ACOT13: variants seen among roughly 807,000 people sequenced by gnomAD.
ACOT13 encodes the protein acyl-CoA thioesterase 13, also known as acyl-coenzyme A thioesterase 13.
A neutral mutation model predicts 11.8 loss-of-function variants in ACOT13; 10 were observed. The observed-to-expected ratio is 0.85, with a 90% confidence interval of 0.53 to 1.44. The LOEUF (loss-of-function observed/expected upper bound fraction) is 1.44. Ranked by LOEUF, ACOT13 falls within the 40% of genes most tolerant of loss-of-function variation. ACOT13 has a pLI of 0.00. For missense variants in ACOT13, 172 were observed against 174.1 expected, an observed-to-expected ratio of 0.99 and a Z score of 0.07; for synonymous variants, 53 against 61.0, an observed-to-expected ratio of 0.87 and a Z score of 0.61.
chr6:24,670,770 T>C (rs186595071), intron 1 of ACOT13, among the ~76,000 whole-genome samples: 86 of 152,244 alleles, frequency 5.6e-4, no homozygotes, highest in Non-Finnish European at 1.1e-3. Context: ...GTTTCAAGGC[T>C]CTGAAAAACA....
At chr6:24,677,889 C>T (rs1220752158) in intron 1 of ACOT13, among the ~76,000 whole-genome samples, 1 of 152,170 alleles carries the variant, frequency 6.6e-6, no homozygotes, top group Non-Finnish European at 1.5e-5. Flanking sequence ...GCCCTTGTGC[C>T]TTTGGATAAT....
At chr6:24,690,637 G>A (rs915804359) in intron 1 of ACOT13, among the ~76,000 whole-genome samples, 3 of 152,216 alleles carry the variant, frequency 2.0e-5, no homozygotes, top group Admixed American at 6.5e-5. Context: ...AACAAAAAGA[G>A]TGTTACTTAA....
chr6:24,691,033 T>A (rs1332069654), intron 1 of ACOT13, among the ~76,000 whole-genome samples: 2 of 152,234 alleles, frequency 1.3e-5, no homozygotes, highest in Non-Finnish European at 2.9e-5. Flanking sequence ...CCCTCTATAC[T>A]TTTTCCTTGG....
chr6:24,667,271 G>C lies in ACOT13; in HGVS notation c.8G>C (p.Ser3Thr), dbSNP rs988375425. The C allele has an allele frequency of 6.2e-7, 1 of 1,614,146 alleles. No homozygotes were observed. The change falls in exon 1 of 3, where the codon AGC becomes ACC. Residue 3 changes from serine to threonine, a missense_variant. By Grantham distance (58) the Ser-to-Thr change is moderately conservative. Coordinates refer to ENST00000230048, the MANE Select transcript of ACOT13 (RefSeq NM_018473.4). Reference sequence around the variant, plus strand: ...GCTGGAAAACCGTCCACGATGACCAGCATGACTCAGTCTCTGCGGGAGGTG... The same window carrying C: ...GCTGGAAAACCGTCCACGATGACCACCATGACTCAGTCTCTGCGGGAGGTG... MT[S>T]MTQSLREVIK...
chr6:24,678,899 G>T (rs565500001), intron 1 of ACOT13, among the ~76,000 whole-genome samples: 131 of 152,284 alleles, frequency 8.6e-4, no homozygotes, highest in Admixed American at 3.6e-3. Context: ...GGCCTTCAAT[G>T]TTCAAGCATA....
chr6:24,679,433 G>A (rs1052857344), intron 1 of ACOT13, among the ~76,000 whole-genome samples: 17 of 152,176 alleles, frequency 1.1e-4, no homozygotes, highest in Admixed American at 1.0e-3. Flanking sequence ...TGACAGAGAG[G>A]TATGCTTCCT....
At chr6:24,667,399 C>T (rs879134527) in intron 1 of ACOT13, 55 bp downstream of exon 1, 26 of 1,522,704 alleles carry the variant, frequency 1.7e-5, no homozygotes, top group Non-Finnish European at 2.2e-5. Context: ...AAGAAAGCAC[C>T]GTGCTTGGTG....
chr6:24,677,189 T>C lies in ACOT13; in HGVS notation c.81+9845T>C, dbSNP rs1008453857. Among the ~76,000 whole-genome samples, 4 of 152,144 alleles carry C rather than the reference T, an allele frequency of 2.6e-5. No homozygotes were observed. The South Asian group carries it at 8.3e-4, about 32-fold the overall frequency. On this transcript the variant is annotated intron_variant, in intron 1 of 2. Transcript: ENST00000230048. The stretch of plus-strand genomic sequence containing the variant: ...CAAGGGAACCCCTAAAAGGTCCCCT[T>C]GAGCAGCATTAGGTTTGAGCAATCA...
rs114941759 is a variant in ACOT13, at chr6:24,691,252, G to C, written c.82-6631G>C. ...GTATTCATTCACTCAACAAATATTT[G>C]AGTGCCTACTATGTGCCTACACCCT... On this transcript the variant is annotated intron_variant, in intron 1 of 2. Transcript: ENST00000230048. Among the ~76,000 whole-genome samples, 449 of 152,226 alleles carry C rather than the reference G, an allele frequency of 2.9e-3. 2 individuals are homozygous for C. Among genetic ancestry groups the C allele is most frequent in the African/African-American group, 9.7e-3 (402 of 41,516 alleles).
intron 1 of ACOT13, among the ~76,000 whole-genome samples, chr6:24,696,937 G>A (rs967259228): frequency 1.3e-5 from 2 of 152,104 alleles, no homozygotes; most frequent in South Asian, 4.2e-4. Flanking sequence ...CACCACACCC[G>A]GCTAATTTTT....
intron 1 of ACOT13, among the ~76,000 whole-genome samples, chr6:24,668,217 TTTG>T (rs17249498): frequency 0.032 from 4,741 of 148,854 alleles, 110 homozygotes; most frequent in East Asian, 0.078. Flanking sequence ...CTTGAAGGTG[TTTG>T]TTGTTGTTGT....
chr6:24,697,146 T>C (rs1206322753), intron 1 of ACOT13, among the ~76,000 whole-genome samples: 6 of 152,260 alleles, frequency 3.9e-5, no homozygotes, highest in African/African-American at 1.4e-4. Flanking sequence ...TTATACTTAC[T>C]ATAAATGGGC....
At chr6:24,669,332 G>T (rs1157124751) in intron 1 of ACOT13, among the ~76,000 whole-genome samples, 2 of 152,198 alleles carry the variant, frequency 1.3e-5, no homozygotes, top group African/African-American at 4.8e-5. Context: ...GGGCTTCCAG[G>T]TCACGGGTAG....
chr6:24,667,127 C>G lies in ACOT13; in HGVS notation c.-137C>G. 1 of 958,506 alleles carries G rather than the reference C, an allele frequency of 1.0e-6. No homozygotes were observed. The highest frequency in any genetic ancestry group is 1.5e-6 in the Non-Finnish European group (1 of 645,940). 59.4% of individuals were successfully genotyped at this position (958,506 alleles called of 1,614,324 possible). ...GCTGCCAGCTCGCCTGACTCCCGGCCTCTTGCGCTCCTAGGGGCGGAGAAG... is the reference window on the plus strand; with the variant it reads ...GCTGCCAGCTCGCCTGACTCCCGGCGTCTTGCGCTCCTAGGGGCGGAGAAG... On this transcript the variant is annotated 5_prime_UTR_variant, in exon 1 of 3. Coordinates refer to ENST00000230048, the MANE Select transcript of ACOT13 (RefSeq NM_018473.4).
intron 2 of ACOT13, among the ~76,000 whole-genome samples, chr6:24,699,173 G>T (rs983696761): frequency 1.3e-5 from 2 of 151,016 alleles, no homozygotes; most frequent in Non-Finnish European, 2.9e-5. Context: ...GAGAGCCATT[G>T]TGAGTAGATA....
intron 1 of ACOT13, chr6:24,687,647 G>C (rs944866498): frequency 5.2e-6 from 8 of 1,529,926 alleles, no homozygotes; most frequent in Non-Finnish European, 7.0e-6. Flanking sequence ...AGACATACAG[G>C]CTTGAGAGAA....
Position 24,703,362 on chromosome 6 carries a change from G to A in ACOT13, c.*1747G>A, listed in dbSNP as rs1043265071. ...AGACTCCACAGTAGCAATAGCAGCA[G>A]TGAGCATACAGGAGTCCCAGATGTT... is the stretch of plus-strand genomic sequence containing the variant. On this transcript the variant is annotated 3_prime_UTR_variant, in exon 3 of 3. Transcript: ENST00000230048. 6.6e-6 allele frequency: 1 copy of A among 152,254 alleles called. No homozygotes were observed. The highest frequency in any genetic ancestry group is 1.5e-5 in the Non-Finnish European group (1 of 68,058). The allele number at this position is 152,254 out of a possible 1,614,324, so 9.4% of individuals were successfully genotyped here.
At position 24,701,949 on chromosome 6, in the gene ACOT13, GTTCTAA is replaced by G. The variant is rs895108786; in HGVS notation, c.*339_*344del. ...GCTAAAGGAGAAATAGAAATTAATG[GTTCTAA>G]TTCTGTTTGGGCTGCTAGGAACAAC... On this transcript the variant is annotated 3_prime_UTR_variant, in exon 3 of 3. Transcript: ENST00000230048. 106 of 178,546 alleles carry G rather than the reference GTTCTAA, an allele frequency of 5.9e-4. No homozygotes were observed. The highest frequency in any genetic ancestry group is 2.3e-3 in the African/African-American group (99 of 42,344). 11.1% of individuals were successfully genotyped at this position (178,546 alleles called of 1,614,324 possible). A position where few individuals can be genotyped will look rare whatever the true frequency, so the allele number is the denominator to read the frequency against.
chr6:24,676,157 T>C (rs1457300368), intron 1 of ACOT13, among the ~76,000 whole-genome samples: 2 of 152,258 alleles, frequency 1.3e-5, no homozygotes, highest in Non-Finnish European at 1.5e-5. Flanking sequence ...TCAGGTAGCG[T>C]GATGCCTCTC....
Sources: allele counts gnomAD v4.1 joint callset (sites outside exome capture counted in the v4.1 genomes callset), GRCh38; gene constraint gnomAD v4.1.1; transcripts MANE v1.5; gene names NCBI Gene and HGNC (gene_info 2026-07-23, HGNC 2026-07-21).